Variants in DNHD1 observed in about 807,000 individuals in gnomAD.
DNHD1 encodes the protein dynein heavy chain domain 1.
DNHD1 carries 383 observed loss-of-function variants against 458.1 expected under a neutral mutation model. That is an observed-to-expected ratio of 0.84 (90% CI 0.77 to 0.91). The LOEUF is 0.91. DNHD1 is among the 40% of genes least tolerant of loss of function. DNHD1 has a pLI of 0.00. For synonymous variants in DNHD1, 2,203 were observed against 2,376.9 expected, an observed-to-expected ratio of 0.93 and a Z score of 2.13; for missense variants, 5,336 against 5,866.1, an observed-to-expected ratio of 0.91 and a Z score of 2.95.
Position 6,544,214 on chromosome 11 carries a change from C to G in DNHD1, c.3722C>G (p.Ala1241Gly), listed in dbSNP as rs1166412510. 6.4e-7 allele frequency: 1 copy of G among 1,551,536 alleles called. No homozygotes were observed. The highest frequency in any genetic ancestry group is 2.4e-5 in the East Asian group (1 of 40,904). Residue 1241 changes from alanine (A) to glycine (G), a missense_variant, in exon 19 of 43, where the codon GCT becomes GGT. Around this residue, in one of 4 missense-constraint regions of DNHD1, gnomAD observed 3,932 missense variants for 4,365.6 expected, o/e 0.90. Coordinates refer to ENST00000254579, the MANE Select transcript of DNHD1 (RefSeq NM_144666.3). ...AAGTCAGGAGATTTAAACAAAATAG[C>G]TTTGGAGTGGGTGGCCATCATGCAT... ...IEKSGDLNKI[A>G]LEWVAIMHGL...
At chr11:6,542,548 A>G (rs1165721833) in intron 18 of DNHD1, among the ~76,000 whole-genome samples, 4 of 152,074 alleles carry the variant, frequency 2.6e-5, no homozygotes, top group African/African-American at 7.2e-5. Context: ...GTTTCTCCCT[A>G]TGGGTTCTCT....
chr11:6,553,463 T>C (rs2134440696), intron 24 of DNHD1, among the ~76,000 whole-genome samples: 1 of 152,306 alleles, frequency 6.6e-6, no homozygotes, highest in South Asian at 2.1e-4. Context: ...ACTGCTTCTA[T>C]TCAACACTGT....
chr11:6,549,822 T>C (rs997701017), intron 24 of DNHD1, among the ~76,000 whole-genome samples: 9 of 152,236 alleles, frequency 5.9e-5, no homozygotes, highest in Non-Finnish European at 1.3e-4. Context: ...CAATAAAAGT[T>C]TGTAGAAGAC....
chr11:6,508,547 A>G, intron 4 of DNHD1: 1 of 213,258 alleles, frequency 4.7e-6, no homozygotes, highest in East Asian at 1.1e-4. Context: ...AAGCATTTTT[A>G]TCTTAGCATT....
intron 10 of DNHD1, among the ~76,000 whole-genome samples, chr11:6,521,907 G>C (rs1225819692): frequency 6.6e-6 from 1 of 152,002 alleles, no homozygotes; most frequent in Non-Finnish European, 1.5e-5. Flanking sequence ...TGTAGAGATG[G>C]GGTCTTGCTA....
intron 24 of DNHD1, among the ~76,000 whole-genome samples, chr11:6,552,862 A>G (rs1389565117): frequency 1.3e-5 from 2 of 152,306 alleles, no homozygotes; most frequent in East Asian, 1.9e-4. Flanking sequence ...ATAACTTGTC[A>G]AAGCTTGAAC....
chr11:6,534,115 G>T lies in DNHD1; in HGVS notation c.2940G>T (p.Gln980His). The T allele has an allele frequency of 6.4e-7, 1 of 1,551,414 alleles. No homozygotes were observed. Among genetic ancestry groups the T allele is most frequent in the Non-Finnish European group, 8.7e-7 (1 of 1,146,940 alleles). The stretch of plus-strand genomic sequence containing the variant: ...ACCAGCTCGTCTCCCTAGAGCGTCA[G>T]TTCCAGAACACAGTCAGCGACCTCA... ...TEHQLVSLER[Q>H]FQNTVSDLSE... The change falls in exon 14 of 43, where the codon CAG becomes CAT. Residue 980 changes from glutamine to histidine, a missense_variant. Physicochemically the swap from Gln to His is conservative, Grantham distance 24 (BLOSUM62 0). Transcript: ENST00000254579.
intron 6 of DNHD1, among the ~76,000 whole-genome samples, chr11:6,509,895 A>G (rs149359225): frequency 3.3e-5 from 5 of 152,240 alleles, no homozygotes; most frequent in Non-Finnish European, 7.4e-5. Context: ...GAGCATGGGA[A>G]CTGCAATCTG....
Position 6,545,593 on chromosome 11 carries a change from G to T in DNHD1, c.4654G>T (p.Ala1552Ser), listed in dbSNP as rs200223989. 1.3e-3 allele frequency: 2,082 copies of T among 1,551,980 alleles called. No homozygotes were observed. Among genetic ancestry groups the T allele is most frequent in the Non-Finnish European group, 1.8e-3 (2,013 of 1,147,048 alleles). ...KLEVLVNFMR[A>S]QRASQGGQSL... is the part of the protein sequence containing the mutation. ...TGAGGTACTGGTGAATTTTATGCGG[G>T]CCCAGAGGGCTTCCCAAGGTGGGCA... The change falls in exon 21 of 43, where the codon GCC becomes TCC. Residue 1552 changes from alanine to serine, a missense_variant. By Grantham distance (99) the Ala-to-Ser change is moderately conservative. Around this residue, in one of 4 missense-constraint regions of DNHD1, gnomAD observed 3,932 missense variants for 4,365.6 expected, o/e 0.90. Transcript: ENST00000254579. The surrounding 1 kb of genome is among the most constrained non-coding windows in gnomAD (Gnocchi z 4.9).
rs928725864 is a variant in DNHD1, at chr11:6,502,889, T to G, written c.883T>G (p.Phe295Val). Reference protein sequence around the residue: ...KMERYLKKIHFLYLNVAPSRY... With the variant: ...KMERYLKKIHVLYLNVAPSRY... ...GGAGAGATACCTGAAGAAGATCCAC[T>G]TCCTCTATCTCAATGTGGCTCCCAG... Residue 295 changes from phenylalanine (F) to valine (V), a missense_variant, in exon 4 of 43, where the codon TTC becomes GTC. Phe to Val is a conservative substitution (Grantham distance 50). This residue lies in a region of DNHD1 where 3,932 missense variants were observed against 4,365.6 expected (regional missense o/e 0.90). Transcript: ENST00000254579. The G allele has an allele frequency of 3.1e-6, 5 of 1,613,764 alleles. No homozygotes were observed. The highest frequency in any genetic ancestry group is 4.2e-6 in the Non-Finnish European group (5 of 1,179,850).
chr11:6,546,174 C>G lies in DNHD1; in HGVS notation c.5235C>G (p.Pro1745=). The change falls in exon 21 of 43, where the codon CCC becomes CCG. Residue 1745 remains proline (P), a synonymous_variant. Transcript: ENST00000254579. ...TGTTGGAGAAAGTTCATCAGCTGCC[C>G]CCTGGCTTGCTCTCTGCCCTGGGCC... ...WLLLEKVHQL[P]PGLLSALGQR... 6.4e-7 allele frequency: 1 copy of G among 1,551,056 alleles called. No homozygotes were observed.
In DNHD1 at chr11:6,547,510, C is replaced by T. The variant is rs368557562; in HGVS notation, c.6571C>T (p.Arg2191Ter). 3.1e-5 allele frequency: 48 copies of T among 1,550,906 alleles called. No individual in the cohort carries two copies. Among genetic ancestry groups the T allele is most frequent in the Non-Finnish European group, 4.0e-5 (46 of 1,146,298 alleles). The change falls in exon 21 of 43, where the codon CGA becomes TGA. Residue 2191 changes from arginine to a stop codon, truncating the protein, a stop_gained. Transcript: ENST00000254579. LOFTEE classifies it high-confidence loss of function. ...MAEVLVPATLRFLTCQGVSSL... is the reference protein window; with the variant it reads ...MAEVLVPATL The stretch of plus-strand genomic sequence containing the variant: ...TGAGGTTCTGGTGCCTGCAACATTG[C>T]GATTCCTCACCTGCCAAGGTGTCAG...
intron 10 of DNHD1, among the ~76,000 whole-genome samples, chr11:6,527,597 A>G (rs1479491598): frequency 6.6e-6 from 1 of 152,196 alleles, no homozygotes; most frequent in African/African-American, 2.4e-5. Flanking sequence ...GAAGTGAATT[A>G]GGCAGTTCTT....
rs1200809887 is a variant in DNHD1 at position 6,547,884 on chromosome 11, C to T, written c.6749C>T (p.Pro2250Leu). 6.4e-7 allele frequency: 1 copy of T among 1,551,800 alleles called. No individual in the cohort carries two copies. The highest frequency in any genetic ancestry group is 2.4e-5 in the East Asian group (1 of 40,918). The change falls in exon 22 of 43, where the codon CCT becomes CTT. Residue 2250 changes from proline to leucine, a missense_variant. By Grantham distance (98) the Pro-to-Leu change is moderately conservative. Coordinates refer to ENST00000254579, the MANE Select transcript of DNHD1 (RefSeq NM_144666.3). The stretch of plus-strand genomic sequence containing the variant: ...ACAGAGGACCTCAGCTATAGTGATC[C>T]TGTGGCCCAAAGCTTCAGGTCTTCA... Reference protein sequence around the residue: ...PGPEDLSYSDPVAQSFRSSKS... With the variant: ...PGPEDLSYSDLVAQSFRSSKS...
rs751560800 is a variant in DNHD1 at position 6,520,056 on chromosome 11, A to G, written c.1739A>G (p.Gln580Arg). The change falls in exon 9 of 43, where the codon CAG becomes CGG. Residue 580 changes from glutamine to arginine, a missense_variant. This residue lies in a region of DNHD1 where 3,932 missense variants were observed against 4,365.6 expected (regional missense o/e 0.90). Coordinates refer to ENST00000254579, the MANE Select transcript of DNHD1 (RefSeq NM_144666.3). ...SHVPCVENMI[Q>R]TLTGGLQSVK... ...GTGCCCTGTGTTGAAAATATGATCC[A>G]GACTCTAACTGGAGGCCTACAGTCT... 3 of 1,614,146 alleles carry G rather than the reference A, an allele frequency of 1.9e-6. No individual in the cohort carries two copies. The highest frequency in any genetic ancestry group is 2.5e-6 in the Non-Finnish European group (3 of 1,180,020).
At chr11:6,551,080 A>G (rs1417616715) in intron 24 of DNHD1, among the ~76,000 whole-genome samples, 2 of 152,254 alleles carry the variant, frequency 1.3e-5, no homozygotes, top group African/African-American at 2.4e-5. Context: ...ACATTCACCA[A>G]GATAGACCAT....
chr11:6,546,676 C>CATGCCCTACTGG lies in DNHD1; in HGVS notation c.5737_5738insATGCCCTACTGG (p.Arg1913delinsHisAlaLeuLeuGly). 8 of 1,551,728 alleles carry CATGCCCTACTGG rather than the reference C, an allele frequency of 5.2e-6. No homozygotes were observed. The highest frequency in any genetic ancestry group is 7.0e-6 in the Non-Finnish European group (8 of 1,147,004). On this transcript the variant is annotated protein_altering_variant, in exon 21 of 43. Coordinates refer to ENST00000254579, the MANE Select transcript of DNHD1 (RefSeq NM_144666.3). Reference sequence around the variant, plus strand: ...TGCCATTGAGGAGGCTGCCCTACTGCGCTCACCACTGTTTAGCATTCTCAA... The same window carrying CATGCCCTACTGG: ...TGCCATTGAGGAGGCTGCCCTACTGCATGCCCTACTGGGCTCACCACTGTTTAGCATTCTCAA...
rs1853811717 is a variant in DNHD1 at position 6,570,250 on chromosome 11, C to T, written c.12959C>T (p.Ser4320Leu). 1 of 1,613,594 alleles carries T rather than the reference C, an allele frequency of 6.2e-7. No individual in the cohort carries two copies. The highest frequency in any genetic ancestry group is 1.1e-5 in the South Asian group (1 of 91,048). ...PRAAMQELAA[S>L]VFYGGPLGDT... ...GAGACTCTAACCTCATCTTCAGCTT[C>T]AGTTTTCTACGGGGGTCCTCTGGGG... Residue 4320 changes from serine (S) to leucine (L), a missense_variant, in exon 41 of 43, where the codon TCA becomes TTA. Transcript: ENST00000254579.
intron 2 of DNHD1, 32 bp from the exon 3 acceptor site, chr11:6,497,739 C>T (rs1260353686): frequency 6.0e-6 from 1 of 165,798 alleles, no homozygotes; most frequent in African/African-American, 2.4e-5. Flanking sequence ...CAGACTGGAA[C>T]TCAAGTCTAA....
Sources: gnomAD v4.1 joint callset for allele counts (sites outside exome capture counted in the v4.1 genomes callset) on GRCh38, gnomAD v4.1.1 for gene constraint, gnomAD v4.1.1 regional missense constraint, Gnocchi (gnomAD v3.1) non-coding constraint, MANE v1.5 for transcripts, NCBI Gene and HGNC (gene_info 2026-07-23, HGNC 2026-07-21) for gene names.